Variants in AHCY observed in about 807,000 individuals in gnomAD.
AHCY encodes S-adenosyl-L-homocysteine hydrolase.
AHCY carries 24 observed loss-of-function variants against 45.4 expected under a neutral mutation model. The observed-to-expected ratio is 0.53, with a 90% CI of 0.38 to 0.74. AHCY has a LOEUF of 0.74. Among genes scored for constraint, AHCY ranks in the 30% least tolerant of loss-of-function variants. The pLI is 0.00. For synonymous variants in AHCY, 245 were observed against 235.1 expected, an observed-to-expected ratio of 1.04 and a Z score of -0.39; for missense variants, 449 against 594.1, an observed-to-expected ratio of 0.76 and a Z score of 2.54.
At chr20:34,253,116 A>C in the AHCY span, among the ~76,000 whole-genome samples, 4 of 143,086 alleles carry the variant, frequency 2.8e-5, no homozygotes, top group Admixed American at 7.0e-5. Context: ...TTTTTTTTTT[A>C]TTTTTTTTTT....
intron 9 of AHCY, among the ~76,000 whole-genome samples, chr20:34,284,971 C>CAG (rs1336145528): frequency 2.0e-5 from 3 of 152,196 alleles, no homozygotes; most frequent in Non-Finnish European, 4.4e-5. Flanking sequence ...CAGCCCTTTA[C>CAG]CCCTTCAGCT....
chr20:34,274,904 T>C, the AHCY span, among the ~76,000 whole-genome samples: 11 of 152,218 alleles, frequency 7.2e-5, no homozygotes, highest in African/African-American at 2.6e-4. Flanking sequence ...CAGTGAGCCA[T>C]GAATGTGACT....
intron 9 of AHCY, among the ~76,000 whole-genome samples, chr20:34,282,387 C>T (rs1378078349): frequency 2.0e-5 from 3 of 152,182 alleles, no homozygotes; most frequent in Non-Finnish European, 4.4e-5. Flanking sequence ...AAATCTTGAC[C>T]GCAACCTCAT....
In AHCY at chr20:34,280,451, C is replaced by G. The variant is rs552690185; in HGVS notation, c.*583G>C. On this transcript the variant is annotated 3_prime_UTR_variant, in exon 10 of 10. Transcript: ENST00000217426. ...CCCTCTCAACCCCTAGCTGTCACTT[C>G]TCTGTTCTTTCTCAGTTGCCCCTTA... 72 of 156,534 alleles carry G rather than the reference C, an allele frequency of 4.6e-4. No individual in the cohort carries two copies. The South Asian group carries it at 8.3e-3, about 18-fold the overall frequency. 9.7% of individuals were successfully genotyped at this position (156,534 alleles called of 1,614,324 possible). A position where few individuals can be genotyped will look rare whatever the true frequency, so the allele number is the denominator to read the frequency against.
chr20:34,298,555 G>C (rs925220014), intron 1 of AHCY, among the ~76,000 whole-genome samples: 3 of 148,900 alleles, frequency 2.0e-5, no homozygotes, highest in African/African-American at 7.3e-5. Context: ...GGTAGCAAAA[G>C]GTGTCAAGGA....
At chr20:34,240,642 T>C in the AHCY span, among the ~76,000 whole-genome samples, 1 of 152,192 alleles carries the variant, frequency 6.6e-6, no homozygotes, top group Non-Finnish European at 1.5e-5. Flanking sequence ...CTCCACCAAC[T>C]ACTCCTTAAC....
At chr20:34,304,281 C>A (rs2036867142), upstream of AHCY, among the ~76,000 whole-genome samples, 1 of 152,166 alleles carries the variant, frequency 6.6e-6, no homozygotes, top group South Asian at 2.1e-4. Flanking sequence ...ATAATTCAGT[C>A]ATCCCAGGCA....
intron 4 of AHCY, 65 bp downstream of exon 4, chr20:34,292,290 CCAT>C (rs760223501): frequency 1.3e-5 from 21 of 1,565,588 alleles, no homozygotes; most frequent in Non-Finnish European, 1.7e-5. Flanking sequence ...AGGCCTGCGG[CCAT>C]CATGTGGGCA....
chr20:34,311,705 G>A (rs2036950944), exon 1 of AHCY: 1 of 152,670 alleles, frequency 6.6e-6, no homozygotes, highest in East Asian at 1.9e-4. Context: ...CGCTGATGGG[G>A]ATGGAGCCGG....
upstream of AHCY, among the ~76,000 whole-genome samples, chr20:34,306,863 A>G (rs1220696777): frequency 6.6e-6 from 1 of 152,216 alleles, no homozygotes; most frequent in Non-Finnish European, 1.5e-5. Context: ...TGAAATGACC[A>G]AATTATAGAA....
At chr20:34,299,063 C>T (rs1319412159) in intron 1 of AHCY, among the ~76,000 whole-genome samples, 2 of 152,098 alleles carry the variant, frequency 1.3e-5, no homozygotes, top group Admixed American at 1.3e-4. Context: ...TACCGGTCTC[C>T]GCGCATTGAT....
the AHCY span, among the ~76,000 whole-genome samples, chr20:34,237,855 A>G: frequency 6.6e-6 from 1 of 151,608 alleles, no homozygotes; most frequent in Non-Finnish European, 1.5e-5. Context: ...GTTTTTTTTT[A>G]TCATGAAATT....
the AHCY span, among the ~76,000 whole-genome samples, chr20:34,251,061 C>T: frequency 6.6e-6 from 1 of 152,144 alleles, no homozygotes; most frequent in Non-Finnish European, 1.5e-5. Context: ...ACCAATTGCA[C>T]TGGACCTGTA....
At chr20:34,277,524 T>C (rs2035918615), downstream of AHCY, among the ~76,000 whole-genome samples, 1 of 151,934 alleles carries the variant, frequency 6.6e-6, no homozygotes, top group Non-Finnish European at 1.5e-5. Flanking sequence ...TCCCAGCACT[T>C]TGGGAGGCCA....
At chr20:34,275,945 C>A (rs1160463118), downstream of AHCY, among the ~76,000 whole-genome samples, 1 of 152,020 alleles carries the variant, frequency 6.6e-6, no homozygotes, top group Non-Finnish European at 1.5e-5. Context: ...CCCACCTTGG[C>A]CTCCCAAAGT....
chr20:34,238,801 G>T, the AHCY span, among the ~76,000 whole-genome samples: 1 of 151,822 alleles, frequency 6.6e-6, no homozygotes. Context: ...TTTCCTCAGG[G>T]TTTACTTTAT....
At chr20:34,268,898 G>A in the AHCY span, 14 of 1,481,020 alleles carry the variant, frequency 9.5e-6, no homozygotes, top group East Asian at 2.5e-5. Context: ...CCTCTGGTCC[G>A]GGATCTCCCT....
At chr20:34,251,608 CAAT>C in the AHCY span, among the ~76,000 whole-genome samples, 2 of 152,168 alleles carry the variant, frequency 1.3e-5, no homozygotes, top group Admixed American at 6.5e-5. Flanking sequence ...CCCAGTGGCA[CAAT>C]GACAGGGAGG....
rs1360385307 is a variant in AHCY at position 34,285,520 on chromosome 20, T to C, written c.1087A>G (p.Thr363Ala). 1 of 1,613,990 alleles carries C rather than the reference T, an allele frequency of 6.2e-7. No homozygotes were observed. The highest frequency in any genetic ancestry group is 1.3e-5 in the African/African-American group (1 of 74,914). Reference protein sequence around the residue: ...HPSFVMSNSFTNQVMAQIELW... With the variant: ...HPSFVMSNSFANQVMAQIELW... ...TCGATCTGCGCCATCACCTGGTTGG[T>C]GAAGGAGTTACTCATCACGAAGCTG... The change falls in exon 9 of 10, where the codon ACC becomes GCC. Residue 363 changes from threonine to alanine, a missense_variant. Coordinates refer to ENST00000217426, the MANE Select transcript of AHCY (RefSeq NM_000687.4).
Sources: gnomAD v4.1 joint callset for allele counts (sites outside exome capture counted in the v4.1 genomes callset) on GRCh38, gnomAD v4.1.1 for gene constraint, MANE v1.5 for transcripts, NCBI Gene and HGNC (gene_info 2026-07-23, HGNC 2026-07-21) for gene names.